Variants in ADIPOR1 observed in about 807,000 individuals in gnomAD.
ADIPOR1 encodes adiponectin receptor protein 1.
ADIPOR1 carries 15 observed loss-of-function variants against 37.5 expected under a neutral mutation model. The ratio of observed to expected loss-of-function variants is 0.40; its 90% CI spans 0.27 to 0.62. The LOEUF (loss-of-function observed/expected upper bound fraction) is 0.62, where lower values mean the gene tolerates loss of function less well. Ranked by LOEUF, ADIPOR1 falls within the 20% of genes least tolerant of loss-of-function variation. The pLI is 0.42. For missense variants in ADIPOR1, 286 were observed against 478.0 expected, an observed-to-expected ratio of 0.60 and a Z score of 3.75; for synonymous variants, 173 against 173.2, an observed-to-expected ratio of 1.00 and a Z score of 0.01.
intron 2 of ADIPOR1, among the ~76,000 whole-genome samples, chr1:202,949,607 G>A (rs1463439412): frequency 7.3e-6 from 1 of 137,464 alleles, no homozygotes; most frequent in Non-Finnish European, 1.6e-5. Flanking sequence ...ACACACCCAG[G>A]AGAGCACTTG....
chr1:202,944,510 C>G (rs552384742), intron 5 of ADIPOR1: 1 of 154,024 alleles, frequency 6.5e-6, no homozygotes, highest in Admixed American at 6.5e-5. Context: ...AGGCTCACGG[C>G]TGGGCAAGAG....
chr1:202,956,539 A>G (rs1377270064), intron 1 of ADIPOR1, among the ~76,000 whole-genome samples: 1 of 152,164 alleles, frequency 6.6e-6, no homozygotes. Context: ...TCCTAATATC[A>G]CTACAAGGCT....
intron 1 of ADIPOR1, 29 bp from the exon 2 acceptor site, chr1:202,951,193 G>T: frequency 8.9e-7 from 1 of 1,129,796 alleles, no homozygotes; most frequent in Non-Finnish European, 1.3e-6. Context: ...ATGAAGGATT[G>T]ACAATTTATT....
upstream of ADIPOR1, chr1:202,958,413 C>G (rs1363991234): frequency 6.5e-6 from 1 of 153,316 alleles, no homozygotes; most frequent in South Asian, 1.8e-4. Context: ...CCCGCGCCCG[C>G]CGGCCACACC....
chr1:202,944,858 G>A (rs1654242217), intron 5 of ADIPOR1, 125 bp downstream of exon 5: 2 of 913,266 alleles, frequency 2.2e-6, no homozygotes, highest in South Asian at 2.1e-5. Flanking sequence ...AGAACAGAGA[G>A]CCTTTCCTCT....
intron 6 of ADIPOR1, 29 bp downstream of exon 6, chr1:202,943,729 C>A: frequency 6.2e-7 from 1 of 1,608,742 alleles, no homozygotes; most frequent in African/African-American, 1.3e-5. Context: ...CTAAATACCT[C>A]TGAGGTGTAC....
At position 202,941,690 on chromosome 1, in the gene ADIPOR1, A is replaced by G; in HGVS notation, c.1011T>C (p.His337=). The change falls in exon 8 of 8, where the codon CAT becomes CAC. Residue 337 remains histidine (H), a synonymous_variant. Transcript: ENST00000340990. ...PGKFDIWFQS[H]QIFHVLVVAA... ...CCACCACCAGGACATGGAAAATCTG[A>G]TGAGACTGGAACTGTAGGAATAAAA... 6.2e-7 allele frequency: 1 copy of G among 1,614,136 alleles called. No individual in the cohort carries two copies. The highest frequency in any genetic ancestry group is 8.5e-7 in the Non-Finnish European group (1 of 1,180,010).
Position 202,945,018 on chromosome 1 carries a change from A to G in ADIPOR1, c.582T>C (p.Tyr194=), listed in dbSNP as rs1274474122. 6.2e-7 allele frequency: 1 copy of G among 1,613,774 alleles called. No homozygotes were observed. The highest frequency in any genetic ancestry group is 8.5e-7 in the Non-Finnish European group (1 of 1,179,910). ...LSFSWLFHTV[Y]CHSEKVSRTF... is the part of the protein sequence containing the mutation. The stretch of plus-strand genomic sequence containing the variant: ...TCCGAGAGACTTTCTCTGAATGACA[A>G]TAGACGGTGTGAAAGAGCCAGGAGA... Residue 194 remains tyrosine, a synonymous_variant, in exon 5 of 8, where the codon TAT becomes TAC. Transcript: ENST00000340990.
intron 2 of ADIPOR1, among the ~76,000 whole-genome samples, chr1:202,948,646 G>A (rs1029284555): frequency 2.0e-5 from 3 of 152,118 alleles, no homozygotes; most frequent in Non-Finnish European, 4.4e-5. Context: ...TATGCAGTGC[G>A]TAAAAGAAGG....
At chr1:202,949,750 T>G (rs1469791117) in intron 2 of ADIPOR1, among the ~76,000 whole-genome samples, 1 of 152,032 alleles carries the variant, frequency 6.6e-6, no homozygotes, top group Non-Finnish European at 1.5e-5. Flanking sequence ...AAACACATGG[T>G]CCATCTTAGA....
rs1275338504 is a variant in ADIPOR1, at chr1:202,948,304, C to T, written c.258G>A (p.Lys86=). 1 of 1,605,688 alleles carries T rather than the reference C, an allele frequency of 6.2e-7. No homozygotes were observed. Among genetic ancestry groups the T allele is most frequent in the Non-Finnish European group, 8.5e-7 (1 of 1,175,464 alleles). ...AMEKMEEFVY[K]VWEGRWRVIP... Reference sequence around the variant, plus strand: ...CAGGACAGAAGCTCATAGGCCATACCTTGTACACAAACTCTTCCATCTTCT... The same window carrying T: ...CAGGACAGAAGCTCATAGGCCATACTTTGTACACAAACTCTTCCATCTTCT... The change falls in exon 3 of 8, where the codon AAG becomes AAA. Residue 86 remains lysine (K), a splice_region_variant and synonymous_variant. Transcript: ENST00000340990.
In ADIPOR1 at chr1:202,941,395, G is replaced by A; in HGVS notation, c.*178C>T. The A allele has an allele frequency of 1.5e-6, 1 of 665,178 alleles. No individual in the cohort carries two copies. Among genetic ancestry groups the A allele is most frequent in the African/African-American group, 1.9e-5 (1 of 53,730 alleles). The allele number at this position is 665,178 out of a possible 1,614,324, so 41.2% of individuals were successfully genotyped here. On this transcript the variant is annotated 3_prime_UTR_variant, in exon 8 of 8. Transcript: ENST00000340990. ...TGCCCCATCCCCAGCTAGGAGAATGGAAATGGAAAGTTTATTGCCCAGTGG... is the reference window on the plus strand; with the variant it reads ...TGCCCCATCCCCAGCTAGGAGAATGAAAATGGAAAGTTTATTGCCCAGTGG...
chr1:202,943,470 G>T (rs1654183118), intron 6 of ADIPOR1, among the ~76,000 whole-genome samples: 1 of 152,174 alleles, frequency 6.6e-6, no homozygotes, highest in Non-Finnish European at 1.5e-5. Context: ...TACTGTGCTT[G>T]CTACATTTTT....
At chr1:202,948,536 A>G in intron 2 of ADIPOR1, 116 bp from the exon 3 acceptor site, 1 of 794,040 alleles carries the variant, frequency 1.3e-6, no homozygotes, top group Non-Finnish European at 2.2e-6. Flanking sequence ...CCTCTTTCCT[A>G]CAGAGGGTCT....
Position 202,946,553 on chromosome 1 carries a change from C to T in ADIPOR1, c.316G>A (p.Asp106Asn). The T allele has an allele frequency of 6.2e-7, 1 of 1,614,044 alleles. No homozygotes were observed. The highest frequency in any genetic ancestry group is 8.5e-7 in the Non-Finnish European group (1 of 1,180,020). ...TGACCATGTAGCAGATAGTCGTTGT[C>T]CTTTAGCCAGTCAGGGAGCACATCA... ...PYDVLPDWLK[D>N]NDYLLHGHRP... Residue 106 changes from aspartate (D) to asparagine (N), a missense_variant, in exon 4 of 8, where the codon GAC becomes AAC. Asp to Asn is a conservative substitution (Grantham distance 23, BLOSUM62 1). Transcript: ENST00000340990.
At chr1:202,942,328 T>C in intron 6 of ADIPOR1, 110 bp from the exon 7 acceptor site, 1 of 1,033,076 alleles carries the variant, frequency 9.7e-7, no homozygotes. Flanking sequence ...TATTTTTGGA[T>C]GAATAGTACA....
chr1:202,947,064 C>T (rs981971340), intron 3 of ADIPOR1, among the ~76,000 whole-genome samples: 11 of 148,020 alleles, frequency 7.4e-5, no homozygotes, highest in Admixed American at 5.4e-4. Flanking sequence ...TGCAGTGAGC[C>T]GAGATTGCAC....
intron 4 of ADIPOR1, among the ~76,000 whole-genome samples, chr1:202,945,521 C>A (rs551906001): frequency 2.8e-4 from 42 of 152,168 alleles, no homozygotes; most frequent in African/African-American, 9.6e-4. Context: ...AGGTGTCTAC[C>A]CAAAGGAAAA....
Position 202,941,119 on chromosome 1 carries a change from T to A in ADIPOR1, c.*454A>T, listed in dbSNP as rs1055229618. 1.3e-5 allele frequency: 2 copies of A among 153,260 alleles called. No individual in the cohort carries two copies. The highest frequency in any genetic ancestry group is 4.8e-5 in the African/African-American group (2 of 41,450). The allele number at this position is 153,260 out of a possible 1,614,324, so 9.5% of individuals were successfully genotyped here. A position where few individuals can be genotyped will look rare whatever the true frequency, so the allele number is the denominator to read the frequency against. ...GCCCTAGAAAGATGGGACCAGGGTATATAATTGTTTTTGAAAAGTGTGCTA... is the reference window on the plus strand; with the variant it reads ...GCCCTAGAAAGATGGGACCAGGGTAAATAATTGTTTTTGAAAAGTGTGCTA... On this transcript the variant is annotated 3_prime_UTR_variant, in exon 8 of 8. Transcript: ENST00000340990.
Sources: allele counts gnomAD v4.1 joint callset (sites outside exome capture counted in the v4.1 genomes callset), GRCh38; gene constraint gnomAD v4.1.1; transcripts MANE v1.5; gene names NCBI Gene and HGNC (gene_info 2026-07-23, HGNC 2026-07-21).